The following MTUS2 variants were observed in gnomAD, a reference collection of about 807,000 sequenced individuals.
MTUS2 encodes the protein microtubule associated scaffold protein 2.
In MTUS2, 40 loss-of-function variants were observed where a neutral mutation model predicts 114.1. The ratio of observed to expected loss-of-function variants is 0.35; its 90% CI spans 0.27 to 0.46. The LOEUF (loss-of-function observed/expected upper bound fraction) is 0.46. Among genes scored for constraint, MTUS2 ranks in the 20% least tolerant of loss-of-function variants. The pLI is 1.00. For missense variants in MTUS2, 1,679 were observed against 1,705.4 expected, an observed-to-expected ratio of 0.98 and a Z score of 0.27; for synonymous variants, 688 against 672.0, an observed-to-expected ratio of 1.02 and a Z score of -0.37.
At chr13:29,076,723 G>T (rs1306844439) in intron 4 of MTUS2, among the ~76,000 whole-genome samples, 1 of 152,126 alleles carries the variant, frequency 6.6e-6, no homozygotes, top group African/African-American at 2.4e-5. Flanking sequence ...TTATGACCAA[G>T]ACTCAGAAGT....
intron 2 of MTUS2, among the ~76,000 whole-genome samples, chr13:28,954,190 C>A (rs1385627191): frequency 6.6e-6 from 1 of 152,016 alleles, no homozygotes; most frequent in Non-Finnish European, 1.5e-5. Context: ...ATATTCATGG[C>A]ATTTGCGAAT....
chr13:29,108,903 A>T (rs1193848276), intron 5 of MTUS2, among the ~76,000 whole-genome samples: 2 of 152,180 alleles, frequency 1.3e-5, no homozygotes, highest in East Asian at 1.9e-4. Flanking sequence ...ATACTCCACC[A>T]AAGGGGAGGA....
chr13:28,973,656 T>G (rs1263000603), intron 2 of MTUS2, among the ~76,000 whole-genome samples: 1 of 152,218 alleles, frequency 6.6e-6, no homozygotes, highest in Non-Finnish European at 1.5e-5. Flanking sequence ...CTATTGCTGG[T>G]GAGGCTAAGA....
chr13:29,267,350 C>T (rs1055404816), intron 5 of MTUS2, among the ~76,000 whole-genome samples: 1 of 152,196 alleles, frequency 6.6e-6, no homozygotes, highest in Non-Finnish European at 1.5e-5. Context: ...GGTTTCCCCT[C>T]GTCCACCCTT....
intron 2 of MTUS2, among the ~76,000 whole-genome samples, chr13:29,005,622 A>T (rs1340921752): frequency 6.6e-6 from 1 of 152,198 alleles, no homozygotes. Flanking sequence ...AGGCAGAGAA[A>T]GTGCAGCCGT....
intron 2 of MTUS2, among the ~76,000 whole-genome samples, chr13:28,860,427 G>T (rs1051432195): frequency 6.6e-6 from 1 of 152,194 alleles, no homozygotes; most frequent in African/African-American, 2.4e-5. Context: ...GTGGGATTTG[G>T]AAAGGAGACC....
intron 2 of MTUS2, among the ~76,000 whole-genome samples, chr13:28,993,172 A>C (rs982247519): frequency 6.6e-6 from 1 of 152,214 alleles, no homozygotes; most frequent in African/African-American, 2.4e-5. Context: ...CATTTTAGCT[A>C]TTGTGACTAA....
chr13:29,401,411 T>C (rs973628360), intron 8 of MTUS2, among the ~76,000 whole-genome samples: 1 of 152,238 alleles, frequency 6.6e-6, no homozygotes, highest in African/African-American at 2.4e-5. Flanking sequence ...TTATGTCTTA[T>C]GGGTTTGATT....
rs142069656 is a variant in MTUS2, at chr13:29,081,738, G to A, written c.2447-19035G>A. 3.7e-4 allele frequency among the ~76,000 whole-genome samples: 54 copies of A among 145,896 alleles called. 1 individual carries two copies. Among genetic ancestry groups the A allele is most frequent in the African/African-American group, 1.3e-3 (50 of 39,302 alleles). On this transcript the variant is annotated intron_variant, in intron 4 of 15. Transcript: ENST00000612955. ...TAATTTATATTTTGGGTATCTGTAG[G>A]GCGAGAGATTACCAGAGGTTTGGTT...
chr13:29,387,562 GGGAGAGGCTCT>G (rs1191629461), intron 8 of MTUS2, among the ~76,000 whole-genome samples: 29 of 152,148 alleles, frequency 1.9e-4, no homozygotes, highest in Admixed American at 1.8e-3. Flanking sequence ...AACAAAGGAG[GGGAGAGGCTCT>G]GGCCAGAGTG....
At chr13:29,128,093 A>G (rs889723514) in intron 5 of MTUS2, among the ~76,000 whole-genome samples, 2 of 152,164 alleles carry the variant, frequency 1.3e-5, no homozygotes, top group African/African-American at 2.4e-5. Flanking sequence ...AGGCAGTAGA[A>G]GAAGAGACAA....
chr13:28,889,410 T>C (rs1246808644), intron 2 of MTUS2, among the ~76,000 whole-genome samples: 1 of 152,196 alleles, frequency 6.6e-6, no homozygotes, highest in African/African-American at 2.4e-5. Flanking sequence ...TTTCAGACTT[T>C]CTAATTATAG....
At chr13:29,374,120 G>T (rs556072233) in intron 8 of MTUS2, among the ~76,000 whole-genome samples, 1 of 152,262 alleles carries the variant, frequency 6.6e-6, no homozygotes, top group East Asian at 1.9e-4. Flanking sequence ...CAGTGAACTT[G>T]AAGATAGATC....
At chr13:29,324,876 A>G (rs1202809954) in intron 7 of MTUS2, among the ~76,000 whole-genome samples, 165 bp downstream of exon 7, 1 of 152,260 alleles carries the variant, frequency 6.6e-6, no homozygotes, top group Non-Finnish European at 1.5e-5. Flanking sequence ...GAAATGAACC[A>G]GCTGTTCACA....
At chr13:29,208,531 G>C (rs1895290754) in intron 5 of MTUS2, among the ~76,000 whole-genome samples, 1 of 151,818 alleles carries the variant, frequency 6.6e-6, no homozygotes, top group South Asian at 2.1e-4. Flanking sequence ...ACCTCAGACT[G>C]TCCTCTTTCA....
At chr13:29,168,940 T>G (rs1438332062) in intron 5 of MTUS2, among the ~76,000 whole-genome samples, 1 of 121,062 alleles carries the variant, frequency 8.3e-6, no homozygotes, top group Non-Finnish European at 1.9e-5. Flanking sequence ...ATAATGCCAG[T>G]ATCATTTCTA....
intron 9 of MTUS2, among the ~76,000 whole-genome samples, chr13:29,467,636 T>C (rs1879981586): frequency 6.6e-6 from 1 of 152,174 alleles, no homozygotes; most frequent in Non-Finnish European, 1.5e-5. Context: ...CATTTTTTTT[T>C]CTTTGCAAAA....
intron 2 of MTUS2, among the ~76,000 whole-genome samples, chr13:28,905,292 T>C (rs1344604793): frequency 6.6e-6 from 1 of 151,640 alleles, no homozygotes; most frequent in Non-Finnish European, 1.5e-5. Context: ...CAACACTATG[T>C]TGAATAGGAG....
chr13:29,444,495 G>C (rs891678086), intron 9 of MTUS2, among the ~76,000 whole-genome samples: 3 of 152,234 alleles, frequency 2.0e-5, no homozygotes, highest in African/African-American at 7.2e-5. Flanking sequence ...TGTGTTCACA[G>C]GCCTGATGCA....
Sources: gnomAD v4.1 joint callset for allele counts (sites outside exome capture counted in the v4.1 genomes callset) on GRCh38, gnomAD v4.1.1 for gene constraint, MANE v1.5 for transcripts, NCBI Gene and HGNC (gene_info 2026-07-23, HGNC 2026-07-21) for gene names.